Variants in CFAP43 observed in about 807,000 individuals in gnomAD.
The protein encoded by CFAP43 is cilia- and flagella-associated protein 43.
Under a neutral mutation model 218.9 loss-of-function variants are expected in CFAP43, and 155 were observed. The ratio of observed to expected loss-of-function variants is 0.71; its 90% confidence interval spans 0.62 to 0.81. The LOEUF is 0.81. CFAP43 is among the 30% of genes least tolerant of loss of function. CFAP43 has a pLI of 0.00. For synonymous variants in CFAP43, 645 were observed against 681.3 expected, an observed-to-expected ratio of 0.95 and a Z score of 0.83; for missense variants, 1,778 against 1,954.3, an observed-to-expected ratio of 0.91 and a Z score of 1.70.
Position 104,179,901 on chromosome 10 carries a change from T to A in CFAP43, c.2321A>T (p.Asp774Val), listed in dbSNP as rs772748128. The change falls in exon 18 of 38, where the codon GAT becomes GTT. Residue 774 changes from aspartate (D) to valine (V), a missense_variant. Physicochemically the swap from Asp to Val is radical, Grantham distance 152. Coordinates refer to ENST00000357060, the MANE Select transcript of CFAP43 (RefSeq NM_025145.7). ...CTTAACATCGGTTAGAACTAATTCA[T>A]CTTGTGATAAGTCAGTGCTTGCCTT... ...KQKASTDLSQ[D>V]ELVLTDVKKE... 1.9e-6 allele frequency: 3 copies of A among 1,613,846 alleles called. No homozygotes were observed. The South Asian group carries it at 3.3e-5, about 18-fold the overall frequency.
chr10:104,206,112 C>T, intron 6 of CFAP43, 82 bp from the exon 7 acceptor site: 3 of 1,078,160 alleles, frequency 2.8e-6, no homozygotes, highest in Non-Finnish European at 4.1e-6. Context: ...GCTACTTTTA[C>T]TGATGTAAAT....
At position 104,196,874 on chromosome 10, in the gene CFAP43, G is replaced by C. The variant is rs1172383117; in HGVS notation, c.1272C>G (p.Ser424Arg). ...TTACTAGGGTATTCAGATAAATCTT[G>C]CTTACACAAGCACAATCCTCCAGCC... ...VWWLEDCACV[S>R]KIYLNTLATV... Residue 424 changes from serine to arginine, a missense_variant, in exon 10 of 38, where the codon AGC (serine) becomes AGG (arginine). By Grantham distance (110) the Ser-to-Arg change is moderately radical. Coordinates refer to ENST00000357060, the MANE Select transcript of CFAP43 (RefSeq NM_025145.7). 1 of 1,612,320 alleles carries C rather than the reference G, an allele frequency of 6.2e-7. No individual in the cohort carries two copies. The highest frequency in any genetic ancestry group is 1.7e-5 in the Admixed American group (1 of 59,802).
rs201675341 is a variant in CFAP43 at position 104,187,396 on chromosome 10, A to G, written c.1784T>C (p.Leu595Ser). The stretch of plus-strand genomic sequence containing the variant: ...ATATATTTGGTTACTTTGAAAGCCC[A>G]AGACTGCAGAGGACAGAGCGTGCTC... Reference protein sequence around the residue: ...ELEHALSSAVLGFQSNQIYGF... With the variant: ...ELEHALSSAVSGFQSNQIYGF... Residue 595 changes from leucine (L) to serine (S), a missense_variant, in exon 14 of 38, where the codon TTG becomes TCG. This residue lies in a region of CFAP43 where 1,553 missense variants were observed against 1,685.2 expected (regional missense o/e 0.92). Transcript: ENST00000357060. 1.9e-4 allele frequency: 314 copies of G among 1,612,512 alleles called. No individual in the cohort carries two copies. The highest frequency in any genetic ancestry group is 4.5e-4 in the East Asian group (20 of 44,764).
chr10:104,132,047 A>T, intron 36 of CFAP43, 69 bp downstream of exon 36: 1 of 1,205,518 alleles, frequency 8.3e-7, no homozygotes. Context: ...TCATGATTTG[A>T]AACACTATTA....
chr10:104,175,781 T>C (rs2089607336), intron 19 of CFAP43, among the ~76,000 whole-genome samples: 1 of 152,218 alleles, frequency 6.6e-6, no homozygotes, highest in Non-Finnish European at 1.5e-5. Context: ...TGAATGTGCG[T>C]TGCTTTTGCA....
At chr10:104,225,744 T>C (rs1473494173) in intron 2 of CFAP43, among the ~76,000 whole-genome samples, 187 bp from the exon 3 acceptor site, 1 of 152,238 alleles carries the variant, frequency 6.6e-6, no homozygotes, top group African/African-American at 2.4e-5. Flanking sequence ...AAAGCTAAGA[T>C]CCATTTGTAA....
chr10:104,181,995 T>A (rs2089861514), intron 17 of CFAP43, among the ~76,000 whole-genome samples: 1 of 152,198 alleles, frequency 6.6e-6, no homozygotes, highest in African/African-American at 2.4e-5. Flanking sequence ...AGGCACTCTA[T>A]AAATATTTGT....
chr10:104,132,784 GTGT>G (rs3068974), intron 35 of CFAP43: 344,383 of 980,786 alleles, frequency 0.35, 64,471 homozygotes, highest in African/African-American at 0.68. Flanking sequence ...AAACATTTAA[GTGT>G]TGTTCCACTT....
chr10:104,145,976 G>A (rs74154742), intron 30 of CFAP43, among the ~76,000 whole-genome samples: 36 of 152,122 alleles, frequency 2.4e-4, no homozygotes, highest in African/African-American at 8.4e-4. Flanking sequence ...TGATTTCATG[G>A]CCAAGTAATG....
chr10:104,162,133 T>C lies in CFAP43; in HGVS notation c.3334-92A>G, dbSNP rs187992325. The C allele has an allele frequency of 6.7e-4, 907 of 1,362,494 alleles. 1 individual carries two copies. The highest frequency in any genetic ancestry group is 4.8e-3 in the African/African-American group (332 of 69,326). The allele number at this position is 1,362,494 out of a possible 1,614,324, so 84.4% of individuals were successfully genotyped here. On this transcript the variant is annotated intron_variant, in intron 25 of 37. Transcript: ENST00000357060. ...GGCAGCTTCCCACCCAACATTAGAA[T>C]GACTGCATTTGGGATTGGGGAAGGT...
At position 104,232,325 on chromosome 10, in the gene CFAP43, G is replaced by C. The variant is rs2135026682; in HGVS notation, c.-79C>G. On this transcript the variant is annotated 5_prime_UTR_variant, in exon 1 of 38. Coordinates refer to ENST00000357060, the MANE Select transcript of CFAP43 (RefSeq NM_025145.7). ...GGTCGGTTACCTTTCCGCCGCCGCG[G>C]GGCTGCGGGCCGCGACGCCGCTGCT... 1.4e-6 allele frequency: 2 copies of C among 1,392,750 alleles called. No individual in the cohort carries two copies. The highest frequency in any genetic ancestry group is 1.4e-5 in the South Asian group (1 of 69,160). The allele number at this position is 1,392,750 out of a possible 1,614,324, so 86.3% of individuals were successfully genotyped here. A position where few individuals can be genotyped will look rare whatever the true frequency, so the allele number is the denominator to read the frequency against.
At position 104,179,810 on chromosome 10, in the gene CFAP43, T is replaced by C. The variant is rs970908099; in HGVS notation, c.2382+30A>G. 4.5e-6 allele frequency: 7 copies of C among 1,559,584 alleles called. No homozygotes were observed. The African/African-American group carries it at 8.1e-5, about 18-fold the overall frequency. On this transcript the variant is annotated intron_variant, in intron 18 of 37. Coordinates refer to ENST00000357060, the MANE Select transcript of CFAP43 (RefSeq NM_025145.7). The stretch of plus-strand genomic sequence containing the variant: ...TATTTGGTGCATCTACAGAGCACTA[T>C]TTCAAACCTACCCCATGTTTCACAA...
At position 104,194,014 on chromosome 10, in the gene CFAP43, C is replaced by T. The variant is rs1035167562; in HGVS notation, c.1294G>A (p.Ala432Thr). ...GATGGACAGCAAGCCAGAACCGTTGCCTGTTTAAAATAAACCCCAGATGCG... is the reference window on the plus strand; with the variant it reads ...GATGGACAGCAAGCCAGAACCGTTGTCTGTTTAAAATAAACCCCAGATGCG... ...CVSKIYLNTL[A>T]TVLACCPSSL... The change falls in exon 11 of 38, where the codon GCA becomes ACA. Residue 432 changes from alanine to threonine, a missense_variant and splice_region_variant. Physicochemically the swap from Ala to Thr is moderately conservative, Grantham distance 58. Coordinates refer to ENST00000357060, the MANE Select transcript of CFAP43 (RefSeq NM_025145.7). The T allele has an allele frequency of 6.2e-7, 1 of 1,612,906 alleles. No homozygotes were observed. Among genetic ancestry groups the T allele is most frequent in the Non-Finnish European group, 8.5e-7 (1 of 1,180,010 alleles).
At chr10:104,186,368 T>C (rs2090030176) in intron 14 of CFAP43, among the ~76,000 whole-genome samples, 1 of 152,244 alleles carries the variant, frequency 6.6e-6, no homozygotes, top group African/African-American at 2.4e-5. Flanking sequence ...CTTTATTTAC[T>C]TGCCATTAAA....
At chr10:104,186,255 C>A (rs1234889865) in intron 14 of CFAP43, 132 bp from the exon 15 acceptor site, 3 of 706,654 alleles carry the variant, frequency 4.2e-6, no homozygotes, top group Non-Finnish European at 6.3e-6. Context: ...CAAACATTGT[C>A]ATTGTAAATA....
intron 27 of CFAP43, among the ~76,000 whole-genome samples, chr10:104,159,272 AG>A (rs2088747529): frequency 6.6e-6 from 1 of 152,198 alleles, no homozygotes; most frequent in Admixed American, 6.5e-5. Flanking sequence ...GGGGAAAGAG[AG>A]GCCAAAGGAG....
At chr10:104,185,221 G>T in intron 15 of CFAP43, 75 bp from the exon 16 acceptor site, 2 of 1,561,712 alleles carry the variant, frequency 1.3e-6, no homozygotes, top group Non-Finnish European at 1.7e-6. Flanking sequence ...GGGGTTATAT[G>T]CCCCTTTTTT....
intron 3 of CFAP43, 51 bp from the exon 4 acceptor site, chr10:104,214,477 A>AGG (rs2090960268): frequency 7.2e-7 from 1 of 1,385,636 alleles, no homozygotes. Context: ...AATTTCATGT[A>AGG]TTTAGAACAT....
In CFAP43 at chr10:104,186,003, T is replaced by C; in HGVS notation, c.1981A>G (p.Ile661Val). 3.1e-6 allele frequency: 5 copies of C among 1,611,996 alleles called. No homozygotes were observed. Among genetic ancestry groups the C allele is most frequent in the Non-Finnish European group, 4.2e-6 (5 of 1,179,496 alleles). Residue 661 changes from isoleucine (I) to valine (V), a missense_variant, in exon 15 of 38, where the codon ATT becomes GTT. Ile to Val is a conservative substitution (Grantham distance 29, BLOSUM62 3). Coordinates refer to ENST00000357060, the MANE Select transcript of CFAP43 (RefSeq NM_025145.7). ...GTATAAACGTCTCGGATACACAGAA[T>C]TCCACATTTAGCTATTGTTATGAGC... Reference protein sequence around the residue: ...LWLITIAKCGILCIRDVYTLE... With the variant: ...LWLITIAKCGVLCIRDVYTLE...
Sources: gnomAD v4.1 joint callset for allele counts (sites outside exome capture counted in the v4.1 genomes callset) on GRCh38, gnomAD v4.1.1 for gene constraint, gnomAD v4.1.1 regional missense constraint, MANE v1.5 for transcripts, NCBI Gene and HGNC (gene_info 2026-07-23, HGNC 2026-07-21) for gene names.